The following SYN1 variants were observed in gnomAD, a reference collection of about 807,000 sequenced individuals.
SYN1 encodes synapsin I.
A neutral mutation model predicts 44.6 loss-of-function variants in SYN1; 8 were observed. The observed-to-expected ratio is 0.18, with a 90% CI of 0.11 to 0.32. The LOEUF is 0.32. Ranked by LOEUF, SYN1 falls within the 10% of genes least tolerant of loss-of-function variation. SYN1 has a pLI of 1.00. For synonymous variants in SYN1, 275 were observed against 280.1 expected, an observed-to-expected ratio of 0.98 and a Z score of 0.18; for missense variants, 451 against 639.4, an observed-to-expected ratio of 0.71 and a Z score of 3.18.
intron 5 of SYN1, among the ~76,000 whole-genome samples, chrX:47,579,617 C>T (rs1044718566): frequency 4.7e-5 from 5 of 107,403 alleles, no homozygotes; most frequent in Non-Finnish European, 7.8e-5. Flanking sequence ...TAACCGGATC[C>T]ACACGACTCC....
chrX:47,575,488 G>C (rs766376622), intron 9 of SYN1, among the ~76,000 whole-genome samples: 1 of 112,329 alleles, frequency 8.9e-6, no homozygotes, highest in Non-Finnish European at 1.9e-5. Context: ...GGGCCCATGG[G>C]CCCAACCTGG....
At chrX:47,606,745 A>AT (rs1325547536) in intron 3 of SYN1, among the ~76,000 whole-genome samples, 200 bp downstream of exon 3, 2 of 99,895 alleles carry the variant, frequency 2.0e-5, no homozygotes, top group African/African-American at 8.2e-5. Context: ...ATATATATAT[A>AT]TATATATTTT....
chrX:47,616,941 TTC>T (rs1315048522), intron 1 of SYN1, among the ~76,000 whole-genome samples: 2 of 110,245 alleles, frequency 1.8e-5, no homozygotes. Context: ...TAACGCAGGG[TTC>T]TCAGTAGTAT....
intron 5 of SYN1, among the ~76,000 whole-genome samples, chrX:47,582,997 C>G (rs896669456): frequency 2.2e-5 from 2 of 90,709 alleles, no homozygotes; most frequent in African/African-American, 8.3e-5. Context: ...CCCTAAATTC[C>G]CCCAGCCTCT....
chrX:47,594,182 C>T (rs1372028945), intron 5 of SYN1, among the ~76,000 whole-genome samples: 3 of 107,343 alleles, frequency 2.8e-5, no homozygotes, highest in Non-Finnish European at 5.8e-5. Flanking sequence ...TGCAGTGAGC[C>T]AAGATTGCGC....
At chrX:47,593,649 G>T (rs1427299354) in intron 5 of SYN1, among the ~76,000 whole-genome samples, 1 of 111,717 alleles carries the variant, frequency 9.0e-6, no homozygotes, top group Non-Finnish European at 1.9e-5. Context: ...CCATTCTGTG[G>T]AACAATTTAT....
chrX:47,578,574 A>G (rs2057785124), intron 5 of SYN1, among the ~76,000 whole-genome samples: 1 of 111,217 alleles, frequency 9.0e-6, no homozygotes, highest in African/African-American at 3.3e-5. Flanking sequence ...ATTCCTGGGC[A>G]CTCCCACCCC....
chrX:47,572,807 G>T lies in SYN1; in HGVS notation c.*57C>A. 1 of 1,206,643 alleles carries T rather than the reference G, an allele frequency of 8.3e-7. No individual in the cohort carries two copies. On this transcript the variant is annotated 3_prime_UTR_variant, in exon 13 of 13. Transcript: ENST00000295987. ...TTTGGAGACTCCAAAAGTGAGAAAT[G>T]GATTCAGGGCCCAGAGAAGGGTTGC...
At chrX:47,574,992 C>T in intron 10 of SYN1, 136 bp downstream of exon 10, 3 of 941,539 alleles carry the variant, frequency 3.2e-6, no homozygotes, top group Non-Finnish European at 4.4e-6. Flanking sequence ...ATGTTTTAAA[C>T]AATTGGCAAT....
In SYN1 at chrX:47,604,636, A is replaced by G. The variant is rs137914970; in HGVS notation, c.774+342T>C. ...AGGTAAAATTTCTATCAGAAGGAAT[A>G]TTTGATAATGTTAGTAATAATGACT... On this transcript the variant is annotated intron_variant, in intron 5 of 12. Coordinates refer to ENST00000295987, the MANE Select transcript of SYN1 (RefSeq NM_006950.3). The G allele has an allele frequency of 5.7e-3, 1,286 of 226,033 alleles. 22 individuals are homozygous for G. The highest frequency in any genetic ancestry group is 0.034 in the African/African-American group (1,192 of 35,092). 18.6% of individuals were successfully genotyped at this position (226,033 alleles called of 1,213,427 possible). A position where few individuals can be genotyped will look rare whatever the true frequency, so the allele number is the denominator to read the frequency against.
At chrX:47,581,797 T>TG (rs1371005521) in intron 5 of SYN1, among the ~76,000 whole-genome samples, 5 of 111,724 alleles carry the variant, frequency 4.5e-5, no homozygotes, top group African/African-American at 1.6e-4. Context: ...CTGTGTTATT[T>TG]GAGACCCTGG....
In SYN1 at chrX:47,619,646, G is replaced by A; in HGVS notation, c.83C>T (p.Pro28Leu). 8.6e-7 allele frequency: 1 copy of A among 1,161,066 alleles called. No homozygotes were observed. The highest frequency in any genetic ancestry group is 1.2e-6 in the Non-Finnish European group (1 of 869,492). ...PNGYMTDLQR[P>L]QPPPPPPGAH... ...ACCGGGCGGCGGTGGGGGCGGCTGC[G>A]GACGCTGCAGGTCTGTCATGTACCC... The change falls in exon 1 of 13, where the codon CCG (proline) becomes CTG (leucine). Residue 28 changes from proline (P) to leucine (L), a missense_variant. By Grantham distance (98) the Pro-to-Leu change is moderately conservative. Transcript: ENST00000295987.
At chrX:47,597,272 T>G (rs2057866363) in intron 5 of SYN1, among the ~76,000 whole-genome samples, 1 of 107,862 alleles carries the variant, frequency 9.3e-6, no homozygotes, top group South Asian at 4.2e-4. Context: ...GAGGTGGAGG[T>G]TGCAGTGAGC....
intron 9 of SYN1, 116 bp from the exon 10 acceptor site, chrX:47,575,390 G>A: frequency 1.1e-6 from 1 of 904,753 alleles, no homozygotes; most frequent in Non-Finnish European, 1.6e-6. Flanking sequence ...AGTGTCTGAG[G>A]CACTGATTGT....
chrX:47,596,351 T>C (rs1450560354), intron 5 of SYN1, among the ~76,000 whole-genome samples: 1 of 112,760 alleles, frequency 8.9e-6, no homozygotes, highest in Non-Finnish European at 1.9e-5. Context: ...ATATCCATTA[T>C]CAGTCCATTA....
intron 9 of SYN1, 125 bp from the exon 10 acceptor site, chrX:47,575,399 G>T: frequency 2.3e-6 from 2 of 851,637 alleles, no homozygotes; most frequent in Non-Finnish European, 3.3e-6. Flanking sequence ...GGCACTGATT[G>T]TGCACGGTGA....
Position 47,577,481 on chromosome X carries a change from G to A in SYN1, c.795C>T (p.Pro265=), listed in dbSNP as rs1371385261. 8.3e-6 allele frequency: 10 copies of A among 1,203,707 alleles called. No individual in the cohort carries two copies. The highest frequency in any genetic ancestry group is 4.4e-5 in the Admixed American group (2 of 45,248). The change falls in exon 6 of 13, where the codon CCC becomes CCT. Residue 265 remains proline, a synonymous_variant. Transcript: ENST00000295987. ...GTGCGTGCCCCATCTTCACAACCAC[G>A]GGGTACGTTGTACTGCTGAGCTGGT... ...HKEMLSSTTY[P]VVVKMGHAHS... is the part of the protein sequence containing the mutation.
intron 1 of SYN1, among the ~76,000 whole-genome samples, chrX:47,609,681 T>C (rs2057911335): frequency 8.9e-6 from 1 of 111,927 alleles, no homozygotes; most frequent in African/African-American, 3.2e-5. Flanking sequence ...CCATCAGTAG[T>C]GGGAGGTGGG....
intron 5 of SYN1, among the ~76,000 whole-genome samples, chrX:47,578,010 G>A (rs1318514107): frequency 9.0e-6 from 1 of 110,693 alleles, no homozygotes; most frequent in African/African-American, 3.3e-5. Context: ...GCCAAACCCA[G>A]AGATGCCAGT....
Sources: gnomAD v4.1 joint callset for allele counts (sites outside exome capture counted in the v4.1 genomes callset) on GRCh38, gnomAD v4.1.1 for gene constraint, MANE v1.5 for transcripts, NCBI Gene and HGNC (gene_info 2026-07-23, HGNC 2026-07-21) for gene names.